The following BLK variants were observed in gnomAD, a reference collection of about 807,000 sequenced individuals.
The protein encoded by BLK is BLK proto-oncogene, Src family tyrosine kinase, also known as tyrosine-protein kinase Blk.
BLK carries 64 observed loss-of-function variants against 61.8 expected under a neutral mutation model. The ratio of observed to expected loss-of-function variants is 1.03; its 90% CI spans 0.85 to 1.27. BLK has a LOEUF of 1.27. Ranked by LOEUF, BLK falls within the 50% of genes most tolerant of loss-of-function variation. BLK has a pLI of 0.00. For synonymous variants in BLK, 351 were observed against 272.0 expected (o/e 1.29, Z -2.86); for missense variants, 853 against 660.5 (o/e 1.29, Z -3.19).
intron 1 of BLK, among the ~76,000 whole-genome samples, chr8:11,514,332 G>A (rs547765058): frequency 2.0e-5 from 3 of 152,316 alleles, no homozygotes; most frequent in African/African-American, 4.8e-5. Context: ...TGTCCTTTGC[G>A]AGAGAGAGGC....
At chr8:11,554,244 TGACTTTGAACAGA>T (rs1161777864) in intron 6 of BLK, 2 of 183,088 alleles carry the variant, frequency 1.1e-5, no homozygotes, top group African/African-American at 4.7e-5. Flanking sequence ...AGGCAGCAAA[TGACTTTGAACAGA>T]GCCCCTGGGC....
Position 11,525,729 on chromosome 8 carries a change from G to C in BLK, c.-1-17495G>C, listed in dbSNP as rs551465214. 1.1e-4 allele frequency among the ~76,000 whole-genome samples: 17 copies of C among 152,264 alleles called. No homozygotes were observed. In the East Asian group the frequency reaches 3.1e-3, roughly 28 times the overall value. Reference sequence around the variant, plus strand: ...GTGCCCTCCTCAGAAGCAAGGAATGGAGCAGCTTTTGTGGGGTTTTTTGTT... The same window carrying C: ...GTGCCCTCCTCAGAAGCAAGGAATGCAGCAGCTTTTGTGGGGTTTTTTGTT... On this transcript the variant is annotated intron_variant, in intron 1 of 12. Transcript: ENST00000259089.
chr8:11,545,987 C>T (rs1030277156), intron 2 of BLK, 65 bp from the exon 3 acceptor site: 1 of 1,564,448 alleles, frequency 6.4e-7, no homozygotes, highest in Non-Finnish European at 8.8e-7. Context: ...TCAGCAGTCT[C>T]AACCCCCAGG....
chr8:11,541,385 C>A (rs1189080061), intron 1 of BLK, among the ~76,000 whole-genome samples: 1 of 152,126 alleles, frequency 6.6e-6, no homozygotes, highest in Non-Finnish European at 1.5e-5. Flanking sequence ...AATTTACCAA[C>A]ATAATTTATT....
At chr8:11,551,659 G>A (rs1379385985) in intron 6 of BLK, among the ~76,000 whole-genome samples, 1 of 152,216 alleles carries the variant, frequency 6.6e-6, no homozygotes, top group Non-Finnish European at 1.5e-5. Context: ...AGTCAAGTTA[G>A]CCATTCTCAT....
At chr8:11,557,769 G>T (rs113082625) in intron 9 of BLK, 193 bp from the exon 10 acceptor site, 4 of 587,670 alleles carry the variant, frequency 6.8e-6, no homozygotes, top group African/African-American at 1.8e-5. Flanking sequence ...CTCCCGGGGT[G>T]CTGAGACTGG....
chr8:11,563,842 G>T, intron 12 of BLK, 61 bp from the exon 13 acceptor site: 1 of 1,507,360 alleles, frequency 6.6e-7, no homozygotes, highest in Non-Finnish European at 9.0e-7. Flanking sequence ...GGACGCTCAG[G>T]GCCCCCCACC....
In BLK at chr8:11,553,926, C is replaced by T. The variant is rs201128630; in HGVS notation, c.473-817C>T. Reference sequence around the variant, plus strand: ...ACGAGAACGAGGGGTCCGTGCCTGACCCCTGGCGGGGAGGCGTGGTACTGC... The same window carrying T: ...ACGAGAACGAGGGGTCCGTGCCTGATCCCTGGCGGGGAGGCGTGGTACTGC... On this transcript the variant is annotated intron_variant, in intron 6 of 12. Coordinates refer to ENST00000259089, the MANE Select transcript of BLK (RefSeq NM_001715.3). Among the ~76,000 whole-genome samples the T allele has an allele frequency of 5.0e-3, 767 of 152,230 alleles. 9 individuals carry two copies. Among genetic ancestry groups the T allele is most frequent in the African/African-American group, 0.017 (694 of 41,536 alleles).
intron 6 of BLK, chr8:11,554,302 A>T: frequency 4.1e-6 from 1 of 244,372 alleles, no homozygotes; most frequent in Non-Finnish European, 8.0e-6. Flanking sequence ...GGACATGGGT[A>T]CTTGCAGCTG....
At chr8:11,537,286 A>T (rs746138405) in intron 1 of BLK, among the ~76,000 whole-genome samples, 4 of 152,052 alleles carry the variant, frequency 2.6e-5, no homozygotes, top group African/African-American at 9.7e-5. Context: ...GGAATTCTGG[A>T]TGTTGGTGAG....
At chr8:11,560,694 C>A (rs548723783) in intron 10 of BLK, 1 of 368,750 alleles carries the variant, frequency 2.7e-6, no homozygotes, top group South Asian at 2.0e-5. Flanking sequence ...CCTGGATCTG[C>A]CAGTGCTCCC....
intron 1 of BLK, among the ~76,000 whole-genome samples, chr8:11,519,662 AC>A (rs1388999780): frequency 6.6e-6 from 1 of 152,234 alleles, no homozygotes; most frequent in Non-Finnish European, 1.5e-5. Flanking sequence ...TCTCTGAACA[AC>A]CGTGTGAGGT....
At chr8:11,559,453 ACAGACT>A (rs1333327570) in intron 10 of BLK, among the ~76,000 whole-genome samples, 1 of 151,906 alleles carries the variant, frequency 6.6e-6, no homozygotes, top group Non-Finnish European at 1.5e-5. Context: ...ACACAAATAC[ACAGACT>A]CAGACTCAAA....
intron 2 of BLK, among the ~76,000 whole-genome samples, chr8:11,544,496 C>T (rs1010613916): frequency 2.0e-5 from 3 of 152,068 alleles, no homozygotes; most frequent in South Asian, 2.1e-4. Flanking sequence ...AGTTTAGCGC[C>T]AGTCTCAGCG....
At position 11,548,089 on chromosome 8, in the gene BLK, A is replaced by G. The variant is rs750289049; in HGVS notation, c.233A>G (p.Gln78Arg). Residue 78 changes from glutamine (Q) to arginine (R), a missense_variant, in exon 4 of 13, where the codon CAG becomes CGG. Transcript: ENST00000259089. ...DYTAMNDRDLQMLKGEKLQVL... is the reference protein window; with the variant it reads ...DYTAMNDRDLRMLKGEKLQVL... ...ACCGCTATGAATGATCGGGACCTGC[A>G]GATGCTGAAGGGGGAGAAGCTACAG... 6.2e-7 allele frequency: 1 copy of G among 1,613,924 alleles called. No homozygotes were observed. The highest frequency in any genetic ancestry group is 8.5e-7 in the Non-Finnish European group (1 of 1,180,006).
chr8:11,511,914 G>A (rs565143995), intron 1 of BLK, among the ~76,000 whole-genome samples: 1 of 152,212 alleles, frequency 6.6e-6, no homozygotes, highest in Admixed American at 6.5e-5. Context: ...TACTCTTTCT[G>A]GCAGTGGATG....
chr8:11,554,844 C>G lies in BLK; in HGVS notation c.574C>G (p.Arg192Gly), dbSNP rs141947199. The G allele has an allele frequency of 8.5e-5, 137 of 1,613,952 alleles. No homozygotes were observed. In the African/African-American group the frequency reaches 1.6e-3, roughly 19 times the overall value. The change falls in exon 7 of 13, where the codon CGG becomes GGG. Residue 192 changes from arginine to glycine, a missense_variant. Arg to Gly is a moderately radical substitution (Grantham distance 125, BLOSUM62 -2). Transcript: ENST00000259089. ...TGAAGGGGGCTACTACATCTCCCCC[C>G]GGATCACCTTCCCCTCGCTCCAGGC... ...LDEGGYYISP[R>G]ITFPSLQALV...
At chr8:11,544,081 G>A (rs957416070) in intron 2 of BLK, among the ~76,000 whole-genome samples, 4 of 151,856 alleles carry the variant, frequency 2.6e-5, no homozygotes, top group Non-Finnish European at 4.4e-5. Context: ...TCGTACCTCA[G>A]CCTTCTGAGT....
At chr8:11,529,385 G>C (rs1799797905) in intron 1 of BLK, among the ~76,000 whole-genome samples, 2 of 152,162 alleles carry the variant, frequency 1.3e-5, no homozygotes, top group Admixed American at 6.5e-5. Context: ...TTGGGTCAGA[G>C]ATGAAATCAC....
Sources: gnomAD v4.1 joint callset for allele counts (sites outside exome capture counted in the v4.1 genomes callset) on GRCh38, gnomAD v4.1.1 for gene constraint, MANE v1.5 for transcripts, NCBI Gene and HGNC (gene_info 2026-07-23, HGNC 2026-07-21) for gene names.